Variants in TOP3B observed in about 807,000 individuals in gnomAD.
TOP3B encodes the protein DNA topoisomerase 3-beta-1.
TOP3B carries 45 observed loss-of-function variants against 93.9 expected under a neutral mutation model. The ratio of observed to expected loss-of-function variants is 0.48; its 90% CI spans 0.38 to 0.61. The LOEUF is 0.61. Among genes scored for constraint, TOP3B ranks in the 20% least tolerant of loss-of-function variants. TOP3B has a pLI of 0.00. For missense variants in TOP3B, 750 were observed against 1,156.1 expected (o/e 0.65, Z 5.09); for synonymous variants, 357 against 472.6 (o/e 0.76, Z 3.17).
At position 21,970,609 on chromosome 22, in the gene TOP3B, C is replaced by G; in HGVS notation, c.385-203G>C. The G allele has an allele frequency of 1.7e-6, 1 of 599,638 alleles. No homozygotes were observed. Among genetic ancestry groups the G allele is most frequent in the East Asian group, 2.8e-5 (1 of 35,766 alleles). The allele number at this position is 599,638 out of a possible 1,614,324, so 37.1% of individuals were successfully genotyped here. On this transcript the variant is annotated intron_variant, in intron 5 of 17. Transcript: ENST00000357179. This position sits in a 1 kb window ranked among gnomAD's most constrained non-coding sequence, Gnocchi z 4.4. ...CCTGCCTTTCCAGAAGCCCTGAGCACTCCACAACACCCCACCACATGGCTT... is the reference window on the plus strand; with the variant it reads ...CCTGCCTTTCCAGAAGCCCTGAGCAGTCCACAACACCCCACCACATGGCTT...
rs749927046 is a variant in TOP3B, at chr22:21,964,167, G to A, written c.1092C>T (p.Ala364=). 18 of 1,613,926 alleles carry A rather than the reference G, an allele frequency of 1.1e-5. No individual in the cohort carries two copies. Among genetic ancestry groups the A allele is most frequent in the Non-Finnish European group, 1.4e-5 (17 of 1,180,024 alleles). The change falls in exon 10 of 18, where the codon GCC becomes GCT. Residue 364 remains alanine, a synonymous_variant. Coordinates refer to ENST00000357179, the MANE Select transcript of TOP3B (RefSeq NM_001282112.2). ...LRQQANHPYW[A]DTVKRLLAEG... ...CCGGCCCGGCTCCACTCACCGTGTC[G>A]GCCCAGTAGGGGTGGTTGGCCTGCT...
At chr22:21,962,006 T>C in intron 13 of TOP3B, 1 of 801,614 alleles carries the variant, frequency 1.2e-6, no homozygotes, top group Non-Finnish European at 1.7e-6. Flanking sequence ...GGGACAGGCA[T>C]TTCTGTTCTC....
At chr22:21,968,066 C>T (rs1262052136) in intron 7 of TOP3B, 3 of 316,306 alleles carry the variant, frequency 9.5e-6, no homozygotes, top group African/African-American at 2.1e-5. Flanking sequence ...AGCCCCGTGT[C>T]AGCCACAGCA....
In TOP3B at chr22:21,970,661, C is replaced by T. The variant is rs1024081086; in HGVS notation, c.385-255G>A. On this transcript the variant is annotated intron_variant, in intron 5 of 17. Transcript: ENST00000357179. The surrounding 1 kb of genome is among the most constrained non-coding windows in gnomAD (Gnocchi z 4.4). ...CTTTACTCCCATCTAGAAACATACT[C>T]GAACACTCCCTTCTTACTCCCGCCC... is the stretch of plus-strand genomic sequence containing the variant. 1.9e-4 allele frequency: 101 copies of T among 533,290 alleles called. No individual in the cohort carries two copies. Among genetic ancestry groups the T allele is most frequent in the Admixed American group, 5.6e-4 (18 of 31,974 alleles). 33.0% of individuals were successfully genotyped at this position (533,290 alleles called of 1,614,324 possible). A position where few individuals can be genotyped will look rare whatever the true frequency, so the allele number is the denominator to read the frequency against.
intron 3 of TOP3B, 105 bp downstream of exon 3, chr22:21,974,252 G>A: frequency 1.4e-6 from 2 of 1,420,786 alleles, no homozygotes; most frequent in Admixed American, 2.2e-5. Context: ...GACTCATGGA[G>A]TTGGGACAAA....
rs367856011 is a variant in TOP3B, at chr22:21,958,698, G to A, written c.1906-5C>T. The A allele has an allele frequency of 2.5e-5, 39 of 1,589,582 alleles. No individual in the cohort carries two copies. The highest frequency in any genetic ancestry group is 3.2e-5 in the Non-Finnish European group (37 of 1,163,904). ...GTGCAGGCGGCTTGGCTTGGCCTGC[G>A]GCAATGCCAGGCAGGTGGCGTGAGG... On this transcript the variant is annotated splice_polypyrimidine_tract_variant and splice_region_variant and intron_variant, in intron 16 of 17. Transcript: ENST00000357179.
chr22:21,974,662 G>A (rs1278138373), intron 2 of TOP3B, 174 bp from the exon 3 acceptor site: 10 of 654,842 alleles, frequency 1.5e-5, no homozygotes, highest in Non-Finnish European at 2.3e-5. Context: ...GTGGGACGGC[G>A]CTCAGGGAAA....
At chr22:21,964,620 A>T in intron 9 of TOP3B, 1 of 444,740 alleles carries the variant, frequency 2.2e-6, no homozygotes. Flanking sequence ...TGGGGATGAC[A>T]CATGGCCTTC....
chr22:21,970,212 G>A lies in TOP3B; in HGVS notation c.579C>T (p.Thr193=). ...GACTCTGCGGGTGTGGCCAGCACCTGGTGAATGCACAGCCGATTCGCAGGT... is the reference window on the plus strand; with the variant it reads ...GACTCTGCGGGTGTGGCCAGCACCTAGTGAATGCACAGCCGATTCGCAGGT... ...ELDLRIGCAF[T]RFQTKYFQGK... The change falls in exon 6 of 18, where the codon ACC becomes ACT. Residue 193 remains threonine, a splice_region_variant and synonymous_variant. Coordinates refer to ENST00000357179, the MANE Select transcript of TOP3B (RefSeq NM_001282112.2). The surrounding 1 kb of genome is among the most constrained non-coding windows in gnomAD (Gnocchi z 4.4). The A allele has an allele frequency of 6.2e-7, 1 of 1,610,582 alleles. No individual in the cohort carries two copies. The highest frequency in any genetic ancestry group is 2.2e-5 in the East Asian group (1 of 44,874).
At position 21,963,961 on chromosome 22, in the gene TOP3B, G is replaced by A; in HGVS notation, c.1166C>T (p.Pro389Leu). The change falls in exon 11 of 18, where the codon CCC becomes CTC. Residue 389 changes from proline (P) to leucine (L), a missense_variant. Physicochemically the swap from Pro to Leu is moderately conservative, Grantham distance 98. Transcript: ENST00000357179. The surrounding 1 kb of genome is among the most constrained non-coding windows in gnomAD (Gnocchi z 4.8). ...TGTGGCAGACTTCATGGGGGTGATG[G>A]GGGGATGGTCGCCGGCGTCATGGCC... ...RKGHDAGDHP[P>L]ITPMKSATEA... is the part of the protein sequence containing the mutation. 2 of 1,613,478 alleles carry A rather than the reference G, an allele frequency of 1.2e-6. No homozygotes were observed. The highest frequency in any genetic ancestry group is 1.7e-6 in the Non-Finnish European group (2 of 1,179,924).
At chr22:21,959,557 G>A (rs2071075874) in intron 15 of TOP3B, 30 bp downstream of exon 15, 3 of 1,584,008 alleles carry the variant, frequency 1.9e-6, no homozygotes, top group Non-Finnish European at 2.6e-6. Context: ...ACACCCCTCT[G>A]GTGAGGGGCA....
At chr22:21,965,554 G>T (rs185827046) in intron 8 of TOP3B, 179 bp from the exon 9 acceptor site, 176 of 415,754 alleles carry the variant, frequency 4.2e-4, no homozygotes, top group African/African-American at 3.3e-3. Context: ...AAAGGAAAAA[G>T]AATGAAAATT....
intron 13 of TOP3B, 61 bp downstream of exon 13, chr22:21,962,368 A>T (rs2145836718): frequency 6.2e-7 from 1 of 1,608,076 alleles, no homozygotes; most frequent in Admixed American, 1.7e-5. Flanking sequence ...CTTTGTGAGT[A>T]GACTCGAAGC....
chr22:21,974,622 A>ACCAGTCTGCG, intron 2 of TOP3B, 134 bp from the exon 3 acceptor site: 3 of 1,028,496 alleles, frequency 2.9e-6, no homozygotes, highest in Non-Finnish European at 4.2e-6. Context: ...GACATTCCGC[A>ACCAGTCTGCG]GACTGGTGCG....
At chr22:21,975,884 C>A (rs758569351) in intron 1 of TOP3B, 77 bp from the exon 2 acceptor site, 60 of 1,063,572 alleles carry the variant, frequency 5.6e-5, no homozygotes, top group Admixed American at 8.5e-5. Flanking sequence ...ATCACTTTAA[C>A]AAAGAAAAAA....
intron 17 of TOP3B, 167 bp downstream of exon 17, chr22:21,958,325 C>A: frequency 6.8e-7 from 1 of 1,466,672 alleles, no homozygotes; most frequent in Non-Finnish European, 9.1e-7. Context: ...CTGGCTGAGG[C>A]CTAAGCAGTG....
intron 8 of TOP3B, 164 bp from the exon 9 acceptor site, chr22:21,965,539 C>A: frequency 4.6e-6 from 2 of 431,894 alleles, no homozygotes; most frequent in South Asian, 7.2e-5. Context: ...TTATTCAGGA[C>A]CAGGAAAGGA....
intron 13 of TOP3B, chr22:21,961,923 CT>C: frequency 3.8e-6 from 1 of 265,160 alleles, no homozygotes. Flanking sequence ...TACACTTTTG[CT>C]TTGATAAACT....
At position 21,971,040 on chromosome 22, in the gene TOP3B, C is replaced by T. The variant is rs2071616682; in HGVS notation, c.385-634G>A. On this transcript the variant is annotated intron_variant, in intron 5 of 17. Transcript: ENST00000357179. The surrounding 1 kb of genome is among the most constrained non-coding windows in gnomAD (Gnocchi z 4.6). ...GGAGCCTGGCCACGCAGCTTCCTTA[C>T]TGGGAATAAGTGGCTTCATTTCTGA... 5 of 1,302,614 alleles carry T rather than the reference C, an allele frequency of 3.8e-6. No individual in the cohort carries two copies. The South Asian group carries it at 6.2e-5, about 16-fold the overall frequency. The allele number at this position is 1,302,614 out of a possible 1,614,324, so 80.7% of individuals were successfully genotyped here. A position where few individuals can be genotyped will look rare whatever the true frequency, so the allele number is the denominator to read the frequency against.
Sources: allele counts gnomAD v4.1 joint callset, GRCh38; gene constraint gnomAD v4.1.1; non-coding constraint Gnocchi (gnomAD v3.1); transcripts MANE v1.5; gene names NCBI Gene and HGNC (gene_info 2026-07-23, HGNC 2026-07-21).